Variants in QTMAN observed in about 807,000 individuals in gnomAD.
QTMAN encodes tRNA-queuosine alpha-mannosyltransferase.
chr2:144,103,842 C>T, the QTMAN span, among the ~76,000 whole-genome samples: 1 of 152,128 alleles, frequency 6.6e-6, no homozygotes, highest in Non-Finnish European at 1.5e-5. Flanking sequence ...GTAATCCCAG[C>T]ACTTTGGGAG....
chr2:144,227,383 C>A, the QTMAN span, among the ~76,000 whole-genome samples: 1 of 151,934 alleles, frequency 6.6e-6, no homozygotes, highest in Non-Finnish European at 1.5e-5. Context: ...ACCTTTTTTT[C>A]AAAACAACTT....
chr2:144,209,862 C>T, the QTMAN span, among the ~76,000 whole-genome samples: 36 of 152,140 alleles, frequency 2.4e-4, no homozygotes, highest in African/African-American at 8.7e-4. Flanking sequence ...TAGCATAATG[C>T]TTTTCTTAAT....
At chr2:143,971,459 T>C in the QTMAN span, among the ~76,000 whole-genome samples, 1 of 152,274 alleles carries the variant, frequency 6.6e-6, no homozygotes, top group East Asian at 1.9e-4. Context: ...TTGGAACACA[T>C]GGATTATTTT....
the QTMAN span, among the ~76,000 whole-genome samples, chr2:144,087,870 G>T: frequency 6.6e-6 from 1 of 151,974 alleles, no homozygotes; most frequent in Non-Finnish European, 1.5e-5. Context: ...CTGAAAGAAA[G>T]CCTTTCCTTT....
chr2:144,172,816 T>G, the QTMAN span, among the ~76,000 whole-genome samples: 1 of 152,074 alleles, frequency 6.6e-6, no homozygotes, highest in Admixed American at 6.6e-5. Context: ...ATGCCTTACC[T>G]AAGATATATG....
the QTMAN span, among the ~76,000 whole-genome samples, chr2:144,140,795 T>C: frequency 6.6e-6 from 1 of 152,020 alleles, no homozygotes; most frequent in African/African-American, 2.4e-5. Context: ...CAAGCCAGTC[T>C]CTACTTCTCT....
chr2:144,090,042 GGATA>G, the QTMAN span, among the ~76,000 whole-genome samples: 1 of 151,894 alleles, frequency 6.6e-6, no homozygotes, highest in Non-Finnish European at 1.5e-5. Flanking sequence ...GGGAATGAAA[GGATA>G]GTTAACATTA....
At chr2:143,953,304 A>G in the QTMAN span, among the ~76,000 whole-genome samples, 3 of 151,974 alleles carry the variant, frequency 2.0e-5, no homozygotes, top group South Asian at 6.2e-4. Context: ...AAAGCATCAG[A>G]AAAAAATTTA....
chr2:144,242,950 A>G, the QTMAN span, among the ~76,000 whole-genome samples: 4 of 144,644 alleles, frequency 2.8e-5, no homozygotes, highest in South Asian at 9.1e-4. Flanking sequence ...CGACAGAGCA[A>G]GACTCTACTT....
At chr2:144,105,327 A>C in the QTMAN span, among the ~76,000 whole-genome samples, 2 of 152,238 alleles carry the variant, frequency 1.3e-5, no homozygotes, top group Non-Finnish European at 2.9e-5. Context: ...AGGAAGTTCA[A>C]ACCCATTGCA....
chr2:144,261,225 A>G, the QTMAN span, among the ~76,000 whole-genome samples: 2 of 152,160 alleles, frequency 1.3e-5, no homozygotes, highest in Non-Finnish European at 2.9e-5. Context: ...TCCTCATCTC[A>G]TAACTGTGTT....
the QTMAN span, among the ~76,000 whole-genome samples, chr2:144,318,219 A>G: frequency 6.6e-6 from 1 of 151,874 alleles, no homozygotes; most frequent in Non-Finnish European, 1.5e-5. Context: ...ACACACACAC[A>G]CACACACACA....
the QTMAN span, among the ~76,000 whole-genome samples, chr2:144,100,834 A>T: frequency 6.9e-6 from 1 of 145,220 alleles, no homozygotes; most frequent in Non-Finnish European, 1.5e-5. Context: ...CTGATTGCTA[A>T]TTCACTTTCA....
chr2:144,166,101 TCTC>T, the QTMAN span, among the ~76,000 whole-genome samples: 2 of 152,124 alleles, frequency 1.3e-5, no homozygotes, highest in Admixed American at 1.3e-4. Flanking sequence ...TACAAGCTCA[TCTC>T]CTGCCTCATC....
the QTMAN span, among the ~76,000 whole-genome samples, chr2:144,324,572 C>A: frequency 2.6e-5 from 4 of 152,286 alleles, no homozygotes; most frequent in South Asian, 8.3e-4. Flanking sequence ...AACCCAAAAT[C>A]TGCAGTCACA....
the QTMAN span, among the ~76,000 whole-genome samples, chr2:144,323,834 C>T: frequency 6.6e-6 from 1 of 152,282 alleles, no homozygotes; most frequent in East Asian, 1.9e-4. Context: ...AATCCTCACC[C>T]TAAACCTATT....
chr2:144,074,279 C>G, the QTMAN span, among the ~76,000 whole-genome samples: 1 of 152,146 alleles, frequency 6.6e-6, no homozygotes, highest in African/African-American at 2.4e-5. Flanking sequence ...AATTACAAAA[C>G]TAATGTTACA....
chr2:144,172,657 A>G, the QTMAN span, among the ~76,000 whole-genome samples: 1 of 151,680 alleles, frequency 6.6e-6, no homozygotes, highest in Non-Finnish European at 1.5e-5. Flanking sequence ...CTTCTTAAGA[A>G]GCTTAACTTA....
the QTMAN span, among the ~76,000 whole-genome samples, chr2:144,027,275 A>C: frequency 6.6e-6 from 1 of 152,246 alleles, no homozygotes; most frequent in Non-Finnish European, 1.5e-5. Context: ...AATAGAATCA[A>C]ACATTTTGTA....
Sources: gnomAD v4.1 joint callset for allele counts (sites outside exome capture counted in the v4.1 genomes callset) on GRCh38, gnomAD v4.1.1 for gene constraint, MANE v1.5 for transcripts, NCBI Gene and HGNC (gene_info 2026-07-23, HGNC 2026-07-21) for gene names.